Variants in ATL3 observed in about 807,000 individuals in gnomAD.
ATL3 encodes the protein atlastin-3.
Under a neutral mutation model 69.5 loss-of-function variants are expected in ATL3, and 49 were observed. That is an observed-to-expected ratio of 0.71 (90% CI 0.56 to 0.89). ATL3 has a LOEUF of 0.89. Ranked by LOEUF, ATL3 falls within the 40% of genes least tolerant of loss-of-function variation. The pLI is 0.00. For missense variants in ATL3, 606 were observed against 645.7 expected, an observed-to-expected ratio of 0.94 and a Z score of 0.67; for synonymous variants, 214 against 224.1, an observed-to-expected ratio of 0.95 and a Z score of 0.40.
intron 1 of ATL3, 50 bp from the exon 2 acceptor site, chr11:63,659,302 T>C (rs745406573): frequency 1.3e-6 from 2 of 1,551,086 alleles, no homozygotes; most frequent in East Asian, 2.3e-5. Flanking sequence ...TAAAATATGT[T>C]TTTGAATATA....
intron 8 of ATL3, among the ~76,000 whole-genome samples, chr11:63,637,292 A>G (rs565317906): frequency 3.7e-4 from 56 of 152,162 alleles, no homozygotes; most frequent in Non-Finnish European, 6.9e-4. Context: ...AAAAAAAAAG[A>G]ATTTCATTAA....
At chr11:63,666,903 C>T (rs775089793) in intron 1 of ATL3, among the ~76,000 whole-genome samples, 35 of 152,170 alleles carry the variant, frequency 2.3e-4, no homozygotes, top group Non-Finnish European at 4.0e-4. Flanking sequence ...GATGTTTTTG[C>T]ACAGACACAA....
At chr11:63,631,566 A>G (rs2134462782) in intron 11 of ATL3, 95 bp from the exon 12 acceptor site, 1 of 1,134,834 alleles carries the variant, frequency 8.8e-7, no homozygotes, top group East Asian at 2.5e-5. Flanking sequence ...AGAATGTTTT[A>G]AGATGTTAAC....
At chr11:63,665,039 C>A (rs986751060) in intron 1 of ATL3, among the ~76,000 whole-genome samples, 9 of 152,112 alleles carry the variant, frequency 5.9e-5, no homozygotes, top group African/African-American at 2.2e-4. Flanking sequence ...ATGGGGTAAT[C>A]CAATGATAAG....
chr11:63,636,766 G>A (rs1939532276), intron 8 of ATL3, among the ~76,000 whole-genome samples: 1 of 150,132 alleles, frequency 6.7e-6, no homozygotes, highest in African/African-American at 2.4e-5. Context: ...AAGTGGGAGA[G>A]AAGAAGGGGT....
intron 12 of ATL3, among the ~76,000 whole-genome samples, chr11:63,630,364 T>C (rs953171071): frequency 2.6e-4 from 38 of 146,444 alleles, no homozygotes; most frequent in African/African-American, 7.6e-4. Flanking sequence ...TGGGCAGAGG[T>C]TGCAGTGAGC....
At chr11:63,667,274 C>A (rs1010801090) in intron 1 of ATL3, among the ~76,000 whole-genome samples, 5 of 152,070 alleles carry the variant, frequency 3.3e-5, no homozygotes, top group African/African-American at 9.7e-5. Context: ...TGATAATATT[C>A]TATCACTCAT....
intron 8 of ATL3, among the ~76,000 whole-genome samples, chr11:63,638,486 C>G (rs1490932146): frequency 1.3e-5 from 2 of 152,166 alleles, no homozygotes; most frequent in Non-Finnish European, 2.9e-5. Context: ...GGGCAGATTG[C>G]TTGAGGCCAG....
chr11:63,662,552 T>C (rs532416957), intron 1 of ATL3, among the ~76,000 whole-genome samples: 1 of 152,364 alleles, frequency 6.6e-6, no homozygotes, highest in African/African-American at 2.4e-5. Flanking sequence ...CAATCTTGCC[T>C]CACTGCAACC....
intron 8 of ATL3, 70 bp downstream of exon 8, chr11:63,643,287 T>C (rs1939758429): frequency 2.1e-6 from 3 of 1,447,368 alleles, no homozygotes; most frequent in East Asian, 2.4e-5. Context: ...ATTCACTTGA[T>C]TTGTAAGTGA....
intron 6 of ATL3, among the ~76,000 whole-genome samples, chr11:63,645,183 G>A (rs571421797): frequency 3.5e-4 from 53 of 152,006 alleles, no homozygotes; most frequent in Non-Finnish European, 6.2e-4. Context: ...GAAGCAGGTG[G>A]GTCACCTGAG....
intron 3 of ATL3, among the ~76,000 whole-genome samples, chr11:63,656,688 C>T (rs568878452): frequency 2.0e-5 from 3 of 148,956 alleles, no homozygotes; most frequent in Non-Finnish European, 4.5e-5. Context: ...GAGCCGAGAT[C>T]GCACCACTGC....
At chr11:63,646,640 A>G (rs1481085188) in intron 5 of ATL3, 77 bp from the exon 6 acceptor site, 1 of 938,176 alleles carries the variant, frequency 1.1e-6, no homozygotes, top group African/African-American at 1.7e-5. Context: ...CAAAGTATTC[A>G]TTATATTTAT....
At chr11:63,647,472 C>A (rs1405056819) in intron 5 of ATL3, among the ~76,000 whole-genome samples, 1 of 152,162 alleles carries the variant, frequency 6.6e-6, no homozygotes, top group East Asian at 1.9e-4. Context: ...GGATTACAGG[C>A]GTGAGCCACC....
At chr11:63,639,401 AT>A (rs2134479384) in intron 8 of ATL3, among the ~76,000 whole-genome samples, 1 of 152,328 alleles carries the variant, frequency 6.6e-6, no homozygotes, top group Non-Finnish European at 1.5e-5. Flanking sequence ...CTTTTAACAT[AT>A]TTTTAAAGTT....
intron 7 of ATL3, 85 bp downstream of exon 7, chr11:63,644,084 T>C (rs2134489707): frequency 1.2e-6 from 1 of 842,476 alleles, no homozygotes; most frequent in Non-Finnish European, 2.0e-6. Context: ...TTTTCAATAA[T>C]TGCTTTAAAC....
In ATL3 at chr11:63,635,530, T is replaced by C. The variant is rs1446983145; in HGVS notation, c.1035+4A>G. On this transcript the variant is annotated splice_donor_region_variant and intron_variant, in intron 10 of 12. Transcript: ENST00000398868. ...AGCGTTTAGGATGTCAAATCATTGT[T>C]TACCTGAAGCATGGACTTGGGGTGA... 6.2e-7 allele frequency: 1 copy of C among 1,611,194 alleles called. No homozygotes were observed. The highest frequency in any genetic ancestry group is 8.5e-7 in the Non-Finnish European group (1 of 1,177,590).
At position 63,631,080 on chromosome 11, in the gene ATL3, C is replaced by T. The variant is rs1939298047; in HGVS notation, c.1499G>A (p.Gly500Asp). The change falls in exon 12 of 13, where the codon GGC becomes GAC. Residue 500 changes from glycine (G) to aspartate (D), a missense_variant. By Grantham distance (94) the Gly-to-Asp change is moderately conservative (BLOSUM62 -1). Transcript: ENST00000398868. ...IRYSGQYREL[G>D]GAIDFGAAYV... Reference sequence around the variant, plus strand: ...TGCGGCACCAAAATCAATAGCTCCGCCCAGCTCACGATATTGACCAGAATA... The same window carrying T: ...TGCGGCACCAAAATCAATAGCTCCGTCCAGCTCACGATATTGACCAGAATA... 1 of 1,613,896 alleles carries T rather than the reference C, an allele frequency of 6.2e-7. No homozygotes were observed. Among genetic ancestry groups the T allele is most frequent in the African/African-American group, 1.3e-5 (1 of 74,900 alleles).
At chr11:63,635,672 AC>A in intron 9 of ATL3, 82 bp from the exon 10 acceptor site, 10 of 1,103,292 alleles carry the variant, frequency 9.1e-6, no homozygotes, top group Non-Finnish European at 1.3e-5. Context: ...AAGTGACCAT[AC>A]AACTGCATTT....
Sources: allele counts gnomAD v4.1 joint callset (sites outside exome capture counted in the v4.1 genomes callset), GRCh38; gene constraint gnomAD v4.1.1; transcripts MANE v1.5; gene names NCBI Gene and HGNC (gene_info 2026-07-23, HGNC 2026-07-21).